Variants in C1QTNF6 observed in about 807,000 individuals in gnomAD.
The protein encoded by C1QTNF6 is complement C1q tumor necrosis factor-related protein 6.
C1QTNF6 carries 17 observed loss-of-function variants against 20.7 expected under a neutral mutation model. That is an observed-to-expected ratio of 0.82 (90% CI 0.56 to 1.23). The LOEUF (loss-of-function observed/expected upper bound fraction) is 1.23, where lower values mean the gene tolerates loss of function less well. Ranked by LOEUF, C1QTNF6 falls within the 50% of genes most tolerant of loss-of-function variation. C1QTNF6 has a pLI of 0.00. For missense variants in C1QTNF6, 329 were observed against 389.7 expected, an observed-to-expected ratio of 0.84 and a Z score of 1.31; for synonymous variants, 130 against 156.3, an observed-to-expected ratio of 0.83 and a Z score of 1.25.
chr22:37,188,502 CTG>C, upstream of C1QTNF6: 1 of 325,532 alleles, frequency 3.1e-6, no homozygotes, highest in Non-Finnish European at 5.6e-6. Flanking sequence ...AGGCAGGAGT[CTG>C]AGGCCCCCTG....
intron 1 of C1QTNF6, among the ~76,000 whole-genome samples, chr22:37,186,491 G>C (rs998956927): frequency 6.6e-6 from 1 of 152,232 alleles, no homozygotes; most frequent in African/African-American, 2.4e-5. Context: ...TGGAATTAAG[G>C]GGTAGGACTA....
upstream of C1QTNF6, chr22:37,199,350 G>T (rs1053068761): frequency 6.6e-6 from 1 of 152,352 alleles, no homozygotes; most frequent in African/African-American, 2.4e-5. Flanking sequence ...CGGGCCCGAG[G>T]GACGAGGACC....
chr22:37,185,540 C>A, intron 1 of C1QTNF6, 85 bp from the exon 2 acceptor site: 1 of 1,443,148 alleles, frequency 6.9e-7, no homozygotes, highest in East Asian at 2.5e-5. Context: ...GTGCTGCGTC[C>A]TCCAGCCACA....
chr22:37,188,046 T>C (rs1924531468), intron 1 of C1QTNF6, 117 bp downstream of exon 1: 3 of 1,068,756 alleles, frequency 2.8e-6, no homozygotes, highest in Non-Finnish European at 4.0e-6. Flanking sequence ...CTGGAGAGGC[T>C]GTCCCAGTCA....
intron 1 of C1QTNF6, among the ~76,000 whole-genome samples, chr22:37,187,656 ATG>A (rs1483435262): frequency 1.3e-4 from 20 of 149,894 alleles, no homozygotes; most frequent in Non-Finnish European, 2.4e-4. Flanking sequence ...GAGGACTGGC[ATG>A]GTTTGGGAGC....
intron 2 of C1QTNF6, among the ~76,000 whole-genome samples, chr22:37,183,893 G>A (rs891559752): frequency 2.0e-5 from 3 of 152,160 alleles, no homozygotes; most frequent in Non-Finnish European, 2.9e-5. Context: ...AGCTCAGGGC[G>A]GGGGAGAGAC....
At chr22:37,185,137 T>C in intron 2 of C1QTNF6, 81 bp downstream of exon 2, 1 of 1,478,298 alleles carries the variant, frequency 6.8e-7, no homozygotes, top group Non-Finnish European at 9.0e-7. Context: ...CTGGACAGGT[T>C]TCCGCCCTGC....
chr22:37,182,257 G>T lies in C1QTNF6; in HGVS notation c.768C>A (p.Ala256=). 3.7e-6 allele frequency: 6 copies of T among 1,614,210 alleles called. No individual in the cohort carries two copies. Among genetic ancestry groups the T allele is most frequent in the Non-Finnish European group, 4.2e-6 (5 of 1,180,036 alleles). The change falls in exon 3 of 3, where the codon GCC becomes GCA. Residue 256 remains alanine, a synonymous_variant. Coordinates refer to ENST00000337843, the MANE Select transcript of C1QTNF6 (RefSeq NM_031910.4). ...AGGTGTCGAAGTCGTTGCTGTAGAT[G>T]GCGTTCTCGCGCTGGCGCTTGAAGA... is the stretch of plus-strand genomic sequence containing the variant. The part of the protein sequence containing the change: ...VRLFKRQREN[A]IYSNDFDTYI...
chr22:37,182,530 G>C lies in C1QTNF6; in HGVS notation c.495C>G (p.Phe165Leu), dbSNP rs145588561. The change falls in exon 3 of 3, where the codon TTC becomes TTG. Residue 165 changes from phenylalanine (F) to leucine (L), a missense_variant. Coordinates refer to ENST00000337843, the MANE Select transcript of C1QTNF6 (RefSeq NM_031910.4). The part of the protein sequence containing the change: ...HSGEDFQTLL[F>L]ERVFVNLDGC... ...CATCAAGGTTCACAAAGACCCTTTC[G>C]AAGAGCAGCGTCTGGAAGTCCTCGC... The C allele has an allele frequency of 2.1e-5, 34 of 1,614,140 alleles. No individual in the cohort carries two copies. Among genetic ancestry groups the C allele is most frequent in the Non-Finnish European group, 2.8e-5 (33 of 1,180,060 alleles).
In C1QTNF6 at chr22:37,181,789, G is replaced by T. The variant is rs967834642; in HGVS notation, c.*399C>A. ...AAAGTCCTAGAACCTGGTTGCTCCA[G>T]TGTGGTTCATAGACTGACCCCATCA... On this transcript the variant is annotated 3_prime_UTR_variant, in exon 3 of 3. Transcript: ENST00000337843. The T allele has an allele frequency of 9.9e-6, 2 of 201,584 alleles. No homozygotes were observed. The highest frequency in any genetic ancestry group is 2.2e-4 in the South Asian group (2 of 9,056). 12.5% of individuals were successfully genotyped at this position (201,584 alleles called of 1,614,324 possible).
At chr22:37,188,297 AG>A, upstream of C1QTNF6, 1 of 873,998 alleles carries the variant, frequency 1.1e-6, no homozygotes, top group Non-Finnish European at 1.6e-6. Context: ...GGGAGAGAGG[AG>A]GGGATGGAGG....
At chr22:37,185,148 C>G in intron 2 of C1QTNF6, 70 bp downstream of exon 2, 1 of 1,493,144 alleles carries the variant, frequency 6.7e-7, no homozygotes, top group Non-Finnish European at 8.9e-7. Context: ...TCCGCCCTGC[C>G]CTCTACTCCC....
chr22:37,184,021 G>A lies in C1QTNF6; in HGVS notation c.289+1197C>T, dbSNP rs1924036373. Among the ~76,000 whole-genome samples, 1 of 152,154 alleles carries A rather than the reference G, an allele frequency of 6.6e-6. No homozygotes were observed. The highest frequency in any genetic ancestry group is 1.5e-5 in the Non-Finnish European group (1 of 68,008). On this transcript the variant is annotated intron_variant, in intron 2 of 2. Transcript: ENST00000337843. This position sits in a 1 kb window ranked among gnomAD's most constrained non-coding sequence, Gnocchi z 4.0. Reference sequence around the variant, plus strand: ...ACCTCCCAGCAGGCTGCTGAGCTGGGCCCAGGAGCAGTGACCCTGGGTTTG... The same window carrying A: ...ACCTCCCAGCAGGCTGCTGAGCTGGACCCAGGAGCAGTGACCCTGGGTTTG...
At chr22:37,190,389 G>T (rs184092045), upstream of C1QTNF6, among the ~76,000 whole-genome samples, 22 of 152,266 alleles carry the variant, frequency 1.4e-4, no homozygotes, top group African/African-American at 5.1e-4. Flanking sequence ...CCCAGCCATG[G>T]ATTTACCTAT....
At position 37,181,881 on chromosome 22, in the gene C1QTNF6, T is replaced by C. The variant is rs971886707; in HGVS notation, c.*307A>G. 1.7e-5 allele frequency: 7 copies of C among 401,894 alleles called. No homozygotes were observed. Among genetic ancestry groups the C allele is most frequent in the East Asian group, 5.1e-5 (1 of 19,742 alleles). 24.9% of individuals were successfully genotyped at this position (401,894 alleles called of 1,614,324 possible). A position where few individuals can be genotyped will look rare whatever the true frequency, so the allele number is the denominator to read the frequency against. On this transcript the variant is annotated 3_prime_UTR_variant, in exon 3 of 3. Transcript: ENST00000337843. ...CACTCAGACCTGCTGAGTCAGAATC[T>C]GCATTTAACACGAACCCCGGGTGAT...
Position 37,184,502 on chromosome 22 carries a change from A to G in C1QTNF6, c.289+716T>C, listed in dbSNP as rs1924101383. ...CCTCACCTGGATGCCTTTCACCTGG[A>G]CGGGCCCTCACCTGGACAGCCCTCA... On this transcript the variant is annotated intron_variant, in intron 2 of 2. Transcript: ENST00000337843. This position sits in a 1 kb window ranked among gnomAD's most constrained non-coding sequence, Gnocchi z 4.0. The G allele has an allele frequency of 4.6e-6, 3 of 650,926 alleles. No homozygotes were observed. Among genetic ancestry groups the G allele is most frequent in the African/African-American group, 4.0e-5 (2 of 49,526 alleles). The allele number at this position is 650,926 out of a possible 1,614,324, so 40.3% of individuals were successfully genotyped here. A position where few individuals can be genotyped will look rare whatever the true frequency, so the allele number is the denominator to read the frequency against.
At chr22:37,189,139 C>T (rs1009168617), upstream of C1QTNF6, among the ~76,000 whole-genome samples, 13 of 152,088 alleles carry the variant, frequency 8.5e-5, no homozygotes, top group African/African-American at 2.7e-4. Flanking sequence ...GGGTAATTTC[C>T]GGACATTGCC....
intron 1 of C1QTNF6, among the ~76,000 whole-genome samples, chr22:37,187,691 A>G (rs903227327): frequency 6.6e-5 from 8 of 121,818 alleles, no homozygotes; most frequent in African/African-American, 2.3e-4. Flanking sequence ...TATTGGCCCC[A>G]GCGGATGGGA....
chr22:37,192,956 C>A (rs1290401667), upstream of C1QTNF6, among the ~76,000 whole-genome samples: 5 of 152,130 alleles, frequency 3.3e-5, no homozygotes, highest in South Asian at 1.0e-3. Flanking sequence ...AAACAGAACC[C>A]CAAAATTAAG....
Sources: allele counts gnomAD v4.1 joint callset (sites outside exome capture counted in the v4.1 genomes callset), GRCh38; gene constraint gnomAD v4.1.1; non-coding constraint Gnocchi (gnomAD v3.1); transcripts MANE v1.5; gene names NCBI Gene and HGNC (gene_info 2026-07-23, HGNC 2026-07-21).